Variants in UNC80 observed in about 807,000 individuals in gnomAD.
The protein encoded by UNC80 is unc-80 subunit of NALCN channel complex.
A neutral mutation model predicts 384.6 loss-of-function variants in UNC80; 164 were observed. That is an observed-to-expected ratio of 0.43 (90% CI 0.38 to 0.49). The LOEUF is 0.49. Ranked by LOEUF, UNC80 falls within the 20% of genes least tolerant of loss-of-function variation. The pLI, the probability that UNC80 is intolerant of heterozygous loss-of-function variation, is 0.00. For missense variants in UNC80, 3,330 were observed against 4,143.0 expected, an observed-to-expected ratio of 0.80 and a Z score of 5.39; for synonymous variants, 1,486 against 1,527.8, an observed-to-expected ratio of 0.97 and a Z score of 0.64.
At chr2:209,928,803 A>G (rs904268574) in intron 36 of UNC80, among the ~76,000 whole-genome samples, 3 of 152,156 alleles carry the variant, frequency 2.0e-5, no homozygotes, top group African/African-American at 7.2e-5. Flanking sequence ...TTTCTTATCC[A>G]TTAACCAACC....
At chr2:209,956,075 T>C (rs1485043169) in intron 48 of UNC80, among the ~76,000 whole-genome samples, 2 of 152,192 alleles carry the variant, frequency 1.3e-5, no homozygotes, top group East Asian at 3.9e-4. Flanking sequence ...ATGTTAAAGC[T>C]TTCCTCATTT....
At chr2:209,809,413 T>C in intron 7 of UNC80, 1 of 1,403,564 alleles carries the variant, frequency 7.1e-7, no homozygotes, top group South Asian at 1.2e-5. Context: ...GCCCTTCTCC[T>C]GTACCCACTG....
chr2:209,995,432 A>T lies in UNC80; in HGVS notation c.9812A>T (p.Asp3271Val). Residue 3271 changes from aspartate to valine, a missense_variant, in exon 65 of 65, where the codon GAC becomes GTC. By Grantham distance (152) the Asp-to-Val change is radical (BLOSUM62 -3). Around this residue, in one of 8 missense-constraint regions of UNC80, gnomAD observed 236 missense variants for 254.9 expected, o/e 0.93. Transcript: ENST00000673920. ...TCTGCCCAACTCTCTGACCCTGATG[A>T]CTTCACAGGCCTCGAGACATCCAGC... ...PLSAQLSDPD[D>V]FTGLETSSLL... 5 of 1,551,894 alleles carry T rather than the reference A, an allele frequency of 3.2e-6. No homozygotes were observed. The highest frequency in any genetic ancestry group is 4.4e-6 in the Non-Finnish European group (5 of 1,147,044).
chr2:209,828,097 A>G (rs1205210368), intron 14 of UNC80, among the ~76,000 whole-genome samples: 2 of 152,164 alleles, frequency 1.3e-5, no homozygotes, highest in African/African-American at 2.4e-5. Context: ...ATTTGAAATT[A>G]TGCCTTTTTT....
chr2:209,915,894 A>G (rs1553597642), intron 31 of UNC80, among the ~76,000 whole-genome samples: 2 of 152,210 alleles, frequency 1.3e-5, no homozygotes, highest in Non-Finnish European at 2.9e-5. Context: ...TGTTTCCAAC[A>G]CATGGAAATA....
intron 22 of UNC80, among the ~76,000 whole-genome samples, chr2:209,851,185 C>G (rs1388690709): frequency 6.6e-6 from 1 of 152,012 alleles, no homozygotes. Flanking sequence ...GCCACAGATT[C>G]CTACTTTATA....
At chr2:209,988,170 C>G (rs1172232877) in intron 61 of UNC80, among the ~76,000 whole-genome samples, 1 of 152,134 alleles carries the variant, frequency 6.6e-6, no homozygotes, top group Non-Finnish European at 1.5e-5. Flanking sequence ...TCTACAGATA[C>G]CTTATCGCTC....
intron 60 of UNC80, among the ~76,000 whole-genome samples, chr2:209,984,158 G>A (rs2093228057): frequency 6.6e-6 from 1 of 152,132 alleles, no homozygotes; most frequent in Non-Finnish European, 1.5e-5. Context: ...TCAATCAATC[G>A]ATAAACAATT....
intron 22 of UNC80, among the ~76,000 whole-genome samples, chr2:209,866,490 C>CCCCCCA (rs1420955284): frequency 2.8e-4 from 30 of 107,586 alleles, no homozygotes; most frequent in African/African-American, 9.3e-4. Context: ...AAATGCACCC[C>CCCCCCA]CACACACACA....
At chr2:209,821,992 C>G (rs1559147015) in intron 13 of UNC80, among the ~76,000 whole-genome samples, 1 of 152,146 alleles carries the variant, frequency 6.6e-6, no homozygotes, top group East Asian at 1.9e-4. Flanking sequence ...GCAAGCGTTG[C>G]AATACTCCTT....
At chr2:209,978,841 G>T in intron 59 of UNC80, 133 bp downstream of exon 59, 1 of 834,070 alleles carries the variant, frequency 1.2e-6, no homozygotes, top group Non-Finnish European at 1.7e-6. Context: ...AGTTCTAGGG[G>T]AAATGTGACT....
At position 209,777,435 on chromosome 2, in the gene UNC80, G is replaced by T; in HGVS notation, c.476G>T (p.Gly159Val). 6.2e-7 allele frequency: 1 copy of T among 1,614,110 alleles called. No homozygotes were observed. Among genetic ancestry groups the T allele is most frequent in the East Asian group, 2.2e-5 (1 of 44,864 alleles). Residue 159 changes from glycine to valine, a missense_variant, in exon 4 of 65, where the codon GGG (glycine) becomes GTG (valine). Gly to Val is a moderately radical substitution (Grantham distance 109, BLOSUM62 -3). This residue lies in a region of UNC80 where 937 missense variants were observed against 1,026.8 expected (regional missense o/e 0.91). Transcript: ENST00000673920. ...CAGGTTGAAAACCAGGGTTCTCCAG[G>T]GCAGCCTTGCCAAAGCAGCTCTAAT... is the stretch of plus-strand genomic sequence containing the variant. Reference protein sequence around the residue: ...IHQVENQGSPGQPCQSSSNDE... With the variant: ...IHQVENQGSPVQPCQSSSNDE...
At chr2:209,903,730 A>G (rs1269231755) in intron 28 of UNC80, among the ~76,000 whole-genome samples, 1 of 145,926 alleles carries the variant, frequency 6.9e-6, no homozygotes, top group Non-Finnish European at 1.5e-5. Flanking sequence ...AATTACCACA[A>G]ATTTAGTGGC....
At chr2:209,808,767 T>TTCTGCGCTACTCAGCTACCTCGTTGCC (rs2079104926) in intron 7 of UNC80, 4 of 59,246 alleles carry the variant, frequency 6.8e-5, no homozygotes, top group Admixed American at 3.6e-4. Flanking sequence ...CCTGCGCTAC[T>TTCTGCGCTACTCAGCTACCTCGTTGCC]TCTGCGCTAC....
At chr2:209,774,567 G>A (rs1469774591) in intron 2 of UNC80, among the ~76,000 whole-genome samples, 1 of 152,088 alleles carries the variant, frequency 6.6e-6, no homozygotes, top group Non-Finnish European at 1.5e-5. Context: ...ATGAGAAAAT[G>A]ACATTACCCG....
At chr2:209,819,887 G>A (rs879426243) in intron 12 of UNC80, among the ~76,000 whole-genome samples, 6 of 151,990 alleles carry the variant, frequency 3.9e-5, no homozygotes, top group Non-Finnish European at 8.8e-5. Context: ...AGTCATGAAC[G>A]AGCAAAAGGA....
In UNC80 at chr2:209,793,733, T is replaced by C; in HGVS notation, c.812T>C (p.Val271Ala). Residue 271 changes from valine (V) to alanine (A), a missense_variant, in exon 7 of 65, where the codon GTT becomes GCT. Coordinates refer to ENST00000673920, the MANE Select transcript of UNC80 (RefSeq NM_001371986.1). Reference sequence around the variant, plus strand: ...TGCCTCCAAAAGGGACTCCAGGTGGTTTGTGAAACATTCCAGTCTGATTCC... The same window carrying C: ...TGCCTCCAAAAGGGACTCCAGGTGGCTTGTGAAACATTCCAGTCTGATTCC... ...DARHLEGLQV[V>A]CETFQSDSIS... The C allele has an allele frequency of 1.9e-6, 3 of 1,613,928 alleles. No homozygotes were observed. Among genetic ancestry groups the C allele is most frequent in the African/African-American group, 1.3e-5 (1 of 75,052 alleles).
At chr2:209,953,712 A>G (rs977516341) in intron 47 of UNC80, among the ~76,000 whole-genome samples, 1 of 152,134 alleles carries the variant, frequency 6.6e-6, no homozygotes, top group African/African-American at 2.4e-5. Flanking sequence ...ATGTTGTCTC[A>G]AAATTGTTGC....
At chr2:209,837,438 C>A (rs1020774626) in intron 18 of UNC80, among the ~76,000 whole-genome samples, 1 of 152,144 alleles carries the variant, frequency 6.6e-6, no homozygotes, top group Admixed American at 6.6e-5. Flanking sequence ...TCTGTAAACT[C>A]TTGGTGTATT....
Sources: allele counts gnomAD v4.1 joint callset (sites outside exome capture counted in the v4.1 genomes callset), GRCh38; gene constraint gnomAD v4.1.1; regional missense constraint gnomAD v4.1.1; transcripts MANE v1.5; gene names NCBI Gene and HGNC (gene_info 2026-07-23, HGNC 2026-07-21).